PDE7B: variants seen among roughly 807,000 people sequenced by gnomAD.
PDE7B encodes 3',5'-cyclic-AMP phosphodiesterase 7B.
A neutral mutation model predicts 56.2 loss-of-function variants in PDE7B; 29 were observed. The observed-to-expected ratio is 0.52, with a 90% confidence interval of 0.38 to 0.70. PDE7B has a LOEUF of 0.70. Ranked by LOEUF, PDE7B falls within the 30% of genes least tolerant of loss-of-function variation. The pLI is 0.00. For missense variants in PDE7B, 490 were observed against 565.0 expected (o/e 0.87, Z 1.35); for synonymous variants, 197 against 196.9 (o/e 1.00, Z 0.00).
intron 2 of PDE7B, among the ~76,000 whole-genome samples, chr6:136,083,871 G>C (rs1777245706): frequency 6.6e-6 from 1 of 151,858 alleles, no homozygotes; most frequent in Non-Finnish European, 1.5e-5. Flanking sequence ...AAGCTCATCA[G>C]ATACAAGAGA....
At chr6:136,124,143 C>T (rs922641765) in intron 3 of PDE7B, among the ~76,000 whole-genome samples, 2 of 151,858 alleles carry the variant, frequency 1.3e-5, no homozygotes, top group African/African-American at 2.4e-5. Context: ...AATTAAGAGG[C>T]CCTGGTAACC....
intron 2 of PDE7B, chr6:136,038,607 T>C (rs1776366520): frequency 9.0e-7 from 1 of 1,116,528 alleles, no homozygotes; most frequent in Non-Finnish European, 1.2e-6. Context: ...GTCCAAGCCA[T>C]AGGGAGGAAA....
At chr6:135,932,001 C>G (rs143258233) in intron 1 of PDE7B, among the ~76,000 whole-genome samples, 2 of 151,248 alleles carry the variant, frequency 1.3e-5, no homozygotes, top group South Asian at 4.2e-4. Context: ...ATACACTATT[C>G]CAAAAGCAGA....
intron 8 of PDE7B, among the ~76,000 whole-genome samples, chr6:136,157,884 T>C (rs1194966574): frequency 6.6e-6 from 1 of 152,192 alleles, no homozygotes; most frequent in Admixed American, 6.5e-5. Context: ...CGGTGGCCTT[T>C]AGCTGAGTAT....
intron 12 of PDE7B, among the ~76,000 whole-genome samples, chr6:136,187,397 A>G (rs1779159610): frequency 6.6e-6 from 1 of 152,210 alleles, no homozygotes; most frequent in Non-Finnish European, 1.5e-5. Context: ...AAAACCAAAA[A>G]GAGTAGAAGA....
intron 2 of PDE7B, chr6:136,037,927 G>GATTA: frequency 8.4e-7 from 1 of 1,185,522 alleles, no homozygotes; most frequent in Non-Finnish European, 1.1e-6. Context: ...TGTAGCCTGG[G>GATTA]ATTAATTAAG....
intron 2 of PDE7B, among the ~76,000 whole-genome samples, chr6:136,049,599 G>A (rs1776589266): frequency 6.6e-6 from 1 of 152,216 alleles, no homozygotes; most frequent in Admixed American, 6.5e-5. Context: ...GACCCAGGAA[G>A]GTTCTGTGAT....
chr6:135,950,530 A>G (rs1229262078), intron 2 of PDE7B, among the ~76,000 whole-genome samples: 1 of 152,204 alleles, frequency 6.6e-6, no homozygotes, highest in Non-Finnish European at 1.5e-5. Flanking sequence ...AAAACCAAAT[A>G]TATGGGGCCA....
intron 2 of PDE7B, among the ~76,000 whole-genome samples, chr6:136,074,846 G>T (rs960951577): frequency 2.0e-5 from 3 of 152,154 alleles, no homozygotes; most frequent in African/African-American, 4.8e-5. Flanking sequence ...CTCTTAAGTT[G>T]CTTCCGTATC....
At chr6:136,050,379 A>C (rs898148390) in intron 2 of PDE7B, among the ~76,000 whole-genome samples, 2 of 151,458 alleles carry the variant, frequency 1.3e-5, no homozygotes, top group African/African-American at 4.9e-5. Context: ...ATTGCCTGCA[A>C]TGTACTAAAG....
rs185271353 is a variant in PDE7B, at chr6:136,185,801, T to C, written c.1046-1235T>C. ...AATGACAATTTTTTATTAACATATG[T>C]AAAATGCTTAGAACGTGCCTGGCAC... On this transcript the variant is annotated intron_variant, in intron 11 of 12. Coordinates refer to ENST00000308191, the MANE Select transcript of PDE7B (RefSeq NM_018945.4). 3.4e-4 allele frequency among the ~76,000 whole-genome samples: 52 copies of C among 152,136 alleles called. 1 individual carries two copies. Among genetic ancestry groups the C allele is most frequent in the African/African-American group, 1.2e-3 (50 of 41,500 alleles).
At position 135,904,358 on chromosome 6, in the gene PDE7B, GA is replaced by G. The variant is rs575822705; in HGVS notation, c.22-43101del. On this transcript the variant is annotated intron_variant, in intron 1 of 12. Coordinates refer to ENST00000308191, the MANE Select transcript of PDE7B (RefSeq NM_018945.4). ...GCTGGCTGAGCCTGATTATACATATGAAAAATGGGAATCACCCAGAGATTCT... is the reference window on the plus strand; with the variant it reads ...GCTGGCTGAGCCTGATTATACATATGAAAATGGGAATCACCCAGAGATTCT... 6.6e-5 allele frequency among the ~76,000 whole-genome samples: 10 copies of G among 152,230 alleles called. No individual in the cohort carries two copies. The South Asian group carries it at 1.5e-3, about 22-fold the overall frequency.
At chr6:136,079,684 G>T (rs116779333) in intron 2 of PDE7B, among the ~76,000 whole-genome samples, 3 of 149,274 alleles carry the variant, frequency 2.0e-5, no homozygotes, top group African/African-American at 7.5e-5. Context: ...TTTAGCAGCC[G>T]GAAGTCGCAA....
At position 136,157,322 on chromosome 6, in the gene PDE7B, T is replaced by C. The variant is rs532625661; in HGVS notation, c.711+1564T>C. ...GAGGCCTGGTGCAGTGGTTCACACC[T>C]GTAATCTCAGCACTTTGGGAGGCTG... On this transcript the variant is annotated intron_variant, in intron 8 of 12. Coordinates refer to ENST00000308191, the MANE Select transcript of PDE7B (RefSeq NM_018945.4). Among the ~76,000 whole-genome samples the C allele has an allele frequency of 2.0e-4, 31 of 152,316 alleles. 1 individual carries two copies. In the South Asian group the frequency reaches 6.2e-3, roughly 31 times the overall value.
In PDE7B at chr6:135,891,275, T is replaced by C. The variant is rs1583743853; in HGVS notation, c.21+39256T>C. On this transcript the variant is annotated intron_variant, in intron 1 of 12. Transcript: ENST00000308191. ...ATGAGAACCCAAAGAGTAACAAAAATGATTAGAAAAAGAATCTGAAAGAGT... is the reference window on the plus strand; with the variant it reads ...ATGAGAACCCAAAGAGTAACAAAAACGATTAGAAAAAGAATCTGAAAGAGT... Among the ~76,000 whole-genome samples the C allele has an allele frequency of 6.6e-5, 10 of 152,314 alleles. No homozygotes were observed. The South Asian group carries it at 2.1e-3, about 32-fold the overall frequency.
chr6:135,854,501 G>C (rs1215714693), intron 1 of PDE7B, among the ~76,000 whole-genome samples: 1 of 152,156 alleles, frequency 6.6e-6, no homozygotes, highest in Non-Finnish European at 1.5e-5. Context: ...CAGCTTAGTA[G>C]GTATCTATGT....
chr6:135,986,621 G>A (rs2128204747), intron 2 of PDE7B, among the ~76,000 whole-genome samples: 1 of 152,280 alleles, frequency 6.6e-6, no homozygotes, highest in South Asian at 2.1e-4. Context: ...GGACAGCTCT[G>A]TCTGCCAAGT....
At chr6:135,865,770 T>C (rs949889095) in intron 1 of PDE7B, among the ~76,000 whole-genome samples, 2 of 152,146 alleles carry the variant, frequency 1.3e-5, no homozygotes, top group African/African-American at 4.8e-5. Context: ...GTAATAACAA[T>C]CTTGTCTTAA....
intron 2 of PDE7B, among the ~76,000 whole-genome samples, chr6:136,098,346 T>C (rs1777505973): frequency 6.6e-6 from 1 of 152,132 alleles, no homozygotes. Flanking sequence ...GAAAAGAGCA[T>C]TATTAATTTA....
Sources: gnomAD v4.1 joint callset for allele counts (sites outside exome capture counted in the v4.1 genomes callset) on GRCh38, gnomAD v4.1.1 for gene constraint, MANE v1.5 for transcripts, NCBI Gene and HGNC (gene_info 2026-07-23, HGNC 2026-07-21) for gene names.